The following RPS6KA2 variants were observed in gnomAD, a reference collection of about 807,000 sequenced individuals.
The protein encoded by RPS6KA2 is ribosomal protein S6 kinase alpha-2.
A neutral mutation model predicts 91.8 loss-of-function variants in RPS6KA2; 42 were observed. The observed-to-expected ratio is 0.46, with a 90% CI of 0.36 to 0.59. The LOEUF (loss-of-function observed/expected upper bound fraction) is 0.59, where lower values mean the gene tolerates loss of function less well. Among genes scored for constraint, RPS6KA2 ranks in the 20% least tolerant of loss-of-function variants. The probability of loss-of-function intolerance (pLI) is 0.00; values close to 1 mark genes in which losing one functional copy is unlikely to be tolerated. For missense variants in RPS6KA2, 798 were observed against 978.5 expected (o/e 0.82, Z 2.46); for synonymous variants, 414 against 393.6 (o/e 1.05, Z -0.61).
At chr6:166,579,201 T>C (rs1362781902) in intron 1 of RPS6KA2, among the ~76,000 whole-genome samples, 1 of 152,204 alleles carries the variant, frequency 6.6e-6, no homozygotes. Flanking sequence ...CAATCTATAG[T>C]TGTATTCTAT....
chr6:166,747,596 C>T (rs1266237371), intron 2 of RPS6KA2, among the ~76,000 whole-genome samples: 26 of 152,204 alleles, frequency 1.7e-4, no homozygotes. Flanking sequence ...TCCCCCTTTC[C>T]ACCACACAGA....
At chr6:166,861,832 C>T (rs778262368) in intron 1 of RPS6KA2, among the ~76,000 whole-genome samples, 1 of 152,222 alleles carries the variant, frequency 6.6e-6, no homozygotes, top group Non-Finnish European at 1.5e-5. Flanking sequence ...TAAGAAGCAT[C>T]CTGAAGTTTC....
intron 2 of RPS6KA2, among the ~76,000 whole-genome samples, chr6:166,673,415 A>G (rs759108308): frequency 2.6e-5 from 4 of 152,214 alleles, no homozygotes; most frequent in African/African-American, 4.8e-5. Flanking sequence ...CTGGCTGCCC[A>G]GTCAGTCAAC....
At chr6:166,621,800 A>G (rs1028532558) in intron 1 of RPS6KA2, among the ~76,000 whole-genome samples, 2 of 152,182 alleles carry the variant, frequency 1.3e-5, no homozygotes, top group African/African-American at 2.4e-5. Context: ...AAGGTCCCCA[A>G]GGCCGCACAC....
chr6:166,751,411 C>T (rs1462108114), intron 2 of RPS6KA2, among the ~76,000 whole-genome samples: 2 of 152,258 alleles, frequency 1.3e-5, no homozygotes, highest in East Asian at 1.9e-4. Context: ...GCCAGCTGGG[C>T]TGTGGTCTGC....
At chr6:166,505,679 G>T (rs1453909595) in intron 5 of RPS6KA2, among the ~76,000 whole-genome samples, 2 of 152,216 alleles carry the variant, frequency 1.3e-5, no homozygotes, top group Non-Finnish European at 2.9e-5. Context: ...TCACACAGGG[G>T]GTTCTTCCAC....
intron 1 of RPS6KA2, among the ~76,000 whole-genome samples, chr6:166,561,221 G>A (rs1784333349): frequency 6.6e-6 from 1 of 152,118 alleles, no homozygotes; most frequent in South Asian, 2.1e-4. Flanking sequence ...CAGCGGGCAG[G>A]AGCCCTGACC....
intron 2 of RPS6KA2, among the ~76,000 whole-genome samples, chr6:166,789,551 A>C (rs977297421): frequency 6.6e-6 from 1 of 152,256 alleles, no homozygotes; most frequent in Non-Finnish European, 1.5e-5. Flanking sequence ...ATCTGAGAAC[A>C]GGCAGACTGC....
intron 2 of RPS6KA2, chr6:166,702,972 C>T (rs1789570827): frequency 1.8e-6 from 1 of 551,960 alleles, no homozygotes; most frequent in Non-Finnish European, 3.2e-6. Context: ...CAGTAAGAAC[C>T]AAGCACAAGA....
chr6:166,478,086 G>A (rs1283649211), intron 10 of RPS6KA2, among the ~76,000 whole-genome samples: 3 of 152,198 alleles, frequency 2.0e-5, no homozygotes, highest in Non-Finnish European at 4.4e-5. Flanking sequence ...GGGGAGGGGT[G>A]CACAGCAAAC....
intron 2 of RPS6KA2, among the ~76,000 whole-genome samples, chr6:166,774,358 G>C (rs1444990433): frequency 6.6e-6 from 1 of 152,238 alleles, no homozygotes; most frequent in Non-Finnish European, 1.5e-5. Flanking sequence ...ATTTCTCAGT[G>C]AAATTAGTGC....
chr6:166,446,084 T>C (rs6456083), intron 14 of RPS6KA2, among the ~76,000 whole-genome samples: 26,850 of 152,266 alleles, frequency 0.18, 5,451 homozygotes, highest in African/African-American at 0.5. Flanking sequence ...CACAGTGCTC[T>C]GCACTGGGTC....
rs2128459725 is a variant in RPS6KA2 at position 166,459,428 on chromosome 6, G to A, written c.1075+21C>T. 6.4e-7 allele frequency: 1 copy of A among 1,564,142 alleles called. No homozygotes were observed. On this transcript the variant is annotated intron_variant, in intron 12 of 20. Transcript: ENST00000265678. This position sits in a 1 kb window ranked among gnomAD's most constrained non-coding sequence, Gnocchi z 4.9. ...TCAGGTGGGAGAAGCCACCGATAGA[G>A]GGAACCACTGTGGCACACACCTGTG... is the stretch of plus-strand genomic sequence containing the variant.
chr6:166,736,330 G>A (rs76954008), intron 2 of RPS6KA2, among the ~76,000 whole-genome samples: 68 of 152,270 alleles, frequency 4.5e-4, no homozygotes, highest in Admixed American at 1.4e-3. Context: ...CAAGAGTCCC[G>A]TGGCATCATT....
rs1184014407 is a variant in RPS6KA2 at position 166,654,146 on chromosome 6, AT to A, written c.124-115363del. Among the ~76,000 whole-genome samples the A allele has an allele frequency of 5.3e-5, 8 of 152,246 alleles. No homozygotes were observed. In the East Asian group the frequency reaches 1.5e-3, roughly 29 times the overall value. ...ACTTACCTATACTTCAGGGCGAAAG[AT>A]TCTCAGCATCCTCTAACAAATGTTT... On this transcript the variant is annotated intron_variant, in intron 2 of 21. Transcript: ENST00000503859.
At chr6:166,514,737 C>G (rs1164147790) in intron 3 of RPS6KA2, among the ~76,000 whole-genome samples, 1 of 152,202 alleles carries the variant, frequency 6.6e-6, no homozygotes, top group African/African-American at 2.4e-5. Flanking sequence ...CAAAAGGATA[C>G]TGCTATCCAG....
chr6:166,831,267 G>T (rs375418596), intron 2 of RPS6KA2, among the ~76,000 whole-genome samples: 1 of 152,104 alleles, frequency 6.6e-6, no homozygotes, highest in Non-Finnish European at 1.5e-5. Flanking sequence ...GCTGCTCCAC[G>T]CATCCAGGAC....
rs896526933 is a variant in RPS6KA2, at chr6:166,563,429, G to A, written c.100-24645C>T. ...GGGATCCCTCTTCCTGCACAGAACC[G>A]CCTCTTCCTTCCTCCTGGTGACAGA... On this transcript the variant is annotated intron_variant, in intron 1 of 20. Transcript: ENST00000265678. This position sits in a 1 kb window ranked among gnomAD's most constrained non-coding sequence, Gnocchi z 4.1. Among the ~76,000 whole-genome samples the A allele has an allele frequency of 5.3e-5, 8 of 152,126 alleles. No individual in the cohort carries two copies. The highest frequency in any genetic ancestry group is 1.9e-4 in the African/African-American group (8 of 41,412).
At chr6:166,486,301 C>T (rs1033577825) in intron 10 of RPS6KA2, among the ~76,000 whole-genome samples, 8 of 147,710 alleles carry the variant, frequency 5.4e-5, no homozygotes, top group African/African-American at 2.0e-4. Flanking sequence ...CACACACACA[C>T]AGTGCCCCTG....
Sources: allele counts gnomAD v4.1 joint callset (sites outside exome capture counted in the v4.1 genomes callset), GRCh38; gene constraint gnomAD v4.1.1; non-coding constraint Gnocchi (gnomAD v3.1); transcripts MANE v1.5; gene names NCBI Gene and HGNC (gene_info 2026-07-23, HGNC 2026-07-21).